WWC2: variants seen among roughly 807,000 people sequenced by gnomAD.
WWC2 encodes protein WWC2.
WWC2 carries 101 observed loss-of-function variants against 138.5 expected under a neutral mutation model. That is an observed-to-expected ratio of 0.73 (90% CI 0.62 to 0.86). The LOEUF (loss-of-function observed/expected upper bound fraction) is 0.86. WWC2 is among the 40% of genes least tolerant of loss of function. WWC2 has a pLI of 0.00. For missense variants in WWC2, 1,420 were observed against 1,419.4 expected, an observed-to-expected ratio of 1.00 and a Z score of -0.01; for synonymous variants, 558 against 538.4, an observed-to-expected ratio of 1.04 and a Z score of -0.50.
intron 17 of WWC2, among the ~76,000 whole-genome samples, chr4:183,282,014 C>T (rs1453626967): frequency 6.6e-6 from 1 of 152,118 alleles, no homozygotes; most frequent in Non-Finnish European, 1.5e-5. Context: ...ATTATGTCAC[C>T]AATCAAATTA....
intron 1 of WWC2, among the ~76,000 whole-genome samples, chr4:183,111,835 C>T (rs1298920479): frequency 6.6e-6 from 1 of 151,732 alleles, no homozygotes; most frequent in Non-Finnish European, 1.5e-5. Context: ...GCTGGGACTA[C>T]AGGGGTGCGG....
At chr4:183,173,063 C>T (rs987067801) in intron 1 of WWC2, among the ~76,000 whole-genome samples, 4 of 151,970 alleles carry the variant, frequency 2.6e-5, no homozygotes, top group African/African-American at 9.7e-5. Flanking sequence ...CTCCTCTCCT[C>T]ACCCCACAGG....
chr4:183,201,659 T>C (rs78154153), intron 2 of WWC2, among the ~76,000 whole-genome samples: 3,101 of 152,312 alleles, frequency 0.02, 102 homozygotes, highest in African/African-American at 0.071. Context: ...AGCAGATTAT[T>C]CTCTAGGTTT....
chr4:183,154,705 A>G (rs1436476650), intron 1 of WWC2, among the ~76,000 whole-genome samples: 1 of 152,180 alleles, frequency 6.6e-6, no homozygotes, highest in Non-Finnish European at 1.5e-5. Flanking sequence ...CTATGGTGGC[A>G]TTATTTGCTA....
At chr4:183,296,851 G>A (rs1207214860) in intron 21 of WWC2, among the ~76,000 whole-genome samples, 3 of 139,594 alleles carry the variant, frequency 2.1e-5, no homozygotes, top group Admixed American at 7.9e-5. Flanking sequence ...GGAGAATGGC[G>A]TGAACCCCGG....
chr4:183,127,782 A>C (rs143909293), intron 1 of WWC2, among the ~76,000 whole-genome samples: 1 of 152,200 alleles, frequency 6.6e-6, no homozygotes, highest in Non-Finnish European at 1.5e-5. Flanking sequence ...ACATGAAACT[A>C]TAAAAATCCA....
intron 4 of WWC2, among the ~76,000 whole-genome samples, chr4:183,233,428 A>G (rs936324429): frequency 4.6e-5 from 7 of 152,018 alleles, no homozygotes; most frequent in African/African-American, 1.7e-4. Context: ...AAGTGCTGGG[A>G]TTATAGGTGT....
At chr4:183,205,660 G>A (rs1310131039) in intron 2 of WWC2, among the ~76,000 whole-genome samples, 2 of 152,074 alleles carry the variant, frequency 1.3e-5, no homozygotes, top group African/African-American at 2.4e-5. Context: ...GACCAGCTTG[G>A]TCTTTTAGAA....
chr4:183,315,073 A>C (rs771185946), intron 22 of WWC2, among the ~76,000 whole-genome samples: 10 of 152,236 alleles, frequency 6.6e-5, no homozygotes, highest in Non-Finnish European at 7.3e-5. Flanking sequence ...GTAGGGAAAT[A>C]GACGCACTGT....
Position 183,265,868 on chromosome 4 carries a change from C to G in WWC2, c.2124C>G (p.Tyr708Ter). 1 of 1,612,650 alleles carries G rather than the reference C, an allele frequency of 6.2e-7. No individual in the cohort carries two copies. The highest frequency in any genetic ancestry group is 8.5e-7 in the Non-Finnish European group (1 of 1,179,352). The change falls in exon 14 of 23, where the codon TAC becomes TAG. Residue 708 changes from tyrosine to a stop codon, truncating the protein, a stop_gained. Coordinates refer to ENST00000403733, the MANE Select transcript of WWC2 (RefSeq NM_024949.6). LOFTEE classifies it high-confidence loss of function. ...CATTTAGCCTCTCTTTTGACAGATA[C>G]AATGCAAAAAGTTCAAGTTTCATGG... ...ETAQVQIGLRYNAKSSSFMVI... is the reference protein window; with the variant it reads ...ETAQVQIGLR
At chr4:183,284,457 C>G (rs1738181457) in intron 19 of WWC2, 67 bp downstream of exon 19, 1 of 1,572,360 alleles carries the variant, frequency 6.4e-7, no homozygotes, top group Admixed American at 1.7e-5. Context: ...AGGGAGTGGC[C>G]TGCAAAGGAC....
In WWC2 at chr4:183,208,114, T is replaced by G; in HGVS notation, c.403T>G (p.Leu135Val). The G allele has an allele frequency of 6.2e-7, 1 of 1,613,780 alleles. No individual in the cohort carries two copies. The highest frequency in any genetic ancestry group is 8.5e-7 in the Non-Finnish European group (1 of 1,179,730). ...LALALDEYVR[L>V]NDAYKEKSSS... is the part of the protein sequence containing the mutation. ...GCTGGCCCTGGATGAATACGTGCGATTAAATGATGCCTATAAGGAAAAGTC... is the reference window on the plus strand; with the variant it reads ...GCTGGCCCTGGATGAATACGTGCGAGTAAATGATGCCTATAAGGAAAAGTC... The change falls in exon 3 of 23, where the codon TTA becomes GTA. Residue 135 changes from leucine (L) to valine (V), a missense_variant. Transcript: ENST00000403733.
In WWC2 at chr4:183,117,215, CTTTTTTTTTTTT is replaced by C. The variant is rs923478529; in HGVS notation, c.131+17607_131+17618del. On this transcript the variant is annotated intron_variant, in intron 1 of 22. Coordinates refer to ENST00000403733, the MANE Select transcript of WWC2 (RefSeq NM_024949.6). ...GTTCCAGCTCTTCCACATTCTTCTT[CTTTTTTTTTTTT>C]TTTTTTTTTTTTTGATGGAGTCTTG... is the stretch of plus-strand genomic sequence containing the variant. Among the ~76,000 whole-genome samples, 239 of 95,692 alleles carry C rather than the reference CTTTTTTTTTTTT, an allele frequency of 2.5e-3. 1 individual carries two copies. Among genetic ancestry groups the C allele is most frequent in the Middle Eastern group, 0.017 (2 of 118 alleles). The allele number at this position is 95,692 out of a possible 152,430, so 62.8% of individuals were successfully genotyped here. A position where few individuals can be genotyped will look rare whatever the true frequency, so the allele number is the denominator to read the frequency against.
chr4:183,255,894 C>T (rs561598295), intron 9 of WWC2, among the ~76,000 whole-genome samples: 9 of 128,024 alleles, frequency 7.0e-5, no homozygotes, highest in Admixed American at 5.8e-4. Context: ...TTTTTTTTAA[C>T]GAACAGCCCA....
intron 1 of WWC2, among the ~76,000 whole-genome samples, chr4:183,151,543 G>A (rs905194163): frequency 6.6e-6 from 1 of 152,040 alleles, no homozygotes; most frequent in South Asian, 2.1e-4. Context: ...CTTTAGTTTA[G>A]TTAGATCCCG....
chr4:183,227,281 A>G (rs1407785875), intron 4 of WWC2, among the ~76,000 whole-genome samples: 12 of 152,110 alleles, frequency 7.9e-5, no homozygotes, highest in Non-Finnish European at 2.9e-5. Context: ...AGCCCAAGCT[A>G]AACACTTAGC....
chr4:183,240,057 G>C (rs1736568063), intron 4 of WWC2, 126 bp from the exon 5 acceptor site: 1 of 649,428 alleles, frequency 1.5e-6, no homozygotes, highest in Admixed American at 3.4e-5. Context: ...AACTGATAAA[G>C]TAAATGTTAC....
At chr4:183,280,679 G>T in intron 16 of WWC2, 97 bp from the exon 17 acceptor site, 2 of 1,317,564 alleles carry the variant, frequency 1.5e-6, no homozygotes, top group Non-Finnish European at 1.0e-6. Flanking sequence ...GAGTTGAGTC[G>T]TCTTTACAGA....
intron 20 of WWC2, 144 bp from the exon 21 acceptor site, chr4:183,289,249 C>A: frequency 1.6e-6 from 2 of 1,257,194 alleles, no homozygotes; most frequent in South Asian, 1.6e-5. Flanking sequence ...CTGCCATGGG[C>A]CAGAGCGAGT....
Sources: gnomAD v4.1 joint callset for allele counts (sites outside exome capture counted in the v4.1 genomes callset) on GRCh38, gnomAD v4.1.1 for gene constraint, MANE v1.5 for transcripts, NCBI Gene and HGNC (gene_info 2026-07-23, HGNC 2026-07-21) for gene names.